Variants in ARSB observed in about 807,000 individuals in gnomAD.
ARSB encodes the protein arylsulfatase B, also known as N-acetylgalactosamine-4-sulfatase.
Under a neutral mutation model 50.9 loss-of-function variants are expected in ARSB, and 41 were observed. That is an observed-to-expected ratio of 0.81 (90% CI 0.63 to 1.04). The LOEUF (loss-of-function observed/expected upper bound fraction) is 1.04, where lower values mean the gene tolerates loss of function less well. Among genes scored for constraint, ARSB ranks in the 50% least tolerant of loss-of-function variants. The pLI, the probability that ARSB is intolerant of heterozygous loss-of-function variation, is 0.00. For synonymous variants in ARSB, 269 were observed against 284.8 expected, an observed-to-expected ratio of 0.94 and a Z score of 0.56; for missense variants, 672 against 693.3, an observed-to-expected ratio of 0.97 and a Z score of 0.35.
intron 2 of ARSB, 72 bp from the exon 3 acceptor site, chr5:78,964,678 A>C: frequency 7.1e-7 from 1 of 1,413,810 alleles, no homozygotes; most frequent in Non-Finnish European, 9.8e-7. Flanking sequence ...TTCAGCATTT[A>C]ATTGCCTAAT....
At position 78,813,576 on chromosome 5, in the gene ARSB, A is replaced by G. The variant is rs559890927; in HGVS notation, c.1213+25780T>C. Among the ~76,000 whole-genome samples, 95 of 152,182 alleles carry G rather than the reference A, an allele frequency of 6.2e-4. 4 individuals are homozygous for G. The South Asian group carries it at 0.019, about 30-fold the overall frequency. ...AATTCAAGACCAGCCTGGGCAGCAA[A>G]GTGAGTCCCCATCTCTACAAAAAAT... On this transcript the variant is annotated intron_variant, in intron 6 of 7. Coordinates refer to ENST00000264914, the MANE Select transcript of ARSB (RefSeq NM_000046.5).
chr5:78,941,335 G>A (rs1750910848), intron 4 of ARSB, among the ~76,000 whole-genome samples: 1 of 151,120 alleles, frequency 6.6e-6, no homozygotes, highest in South Asian at 2.1e-4. Flanking sequence ...AATAGGAGTG[G>A]TGAGAGAGGG....
At position 78,955,588 on chromosome 5, in the gene ARSB, A is replaced by G. The variant is rs569091020; in HGVS notation, c.691-86T>C. The G allele has an allele frequency of 3.7e-6, 4 of 1,091,954 alleles. No individual in the cohort carries two copies. In the South Asian group the frequency reaches 3.9e-5, roughly 11 times the overall value. 67.6% of individuals were successfully genotyped at this position (1,091,954 alleles called of 1,614,324 possible). On this transcript the variant is annotated intron_variant, in intron 3 of 7. Coordinates refer to ENST00000264914, the MANE Select transcript of ARSB (RefSeq NM_000046.5). Reference sequence around the variant, plus strand: ...TAAGACAGTTCAGATTTATGCATTAATAAAAATAATATCAAGACAACCTAC... The same window carrying G: ...TAAGACAGTTCAGATTTATGCATTAGTAAAAATAATATCAAGACAACCTAC...
intron 1 of ARSB, among the ~76,000 whole-genome samples, chr5:78,981,389 T>G (rs1752896570): frequency 6.6e-6 from 1 of 152,216 alleles, no homozygotes; most frequent in African/African-American, 2.4e-5. Flanking sequence ...TTGTGAGGGC[T>G]GTGAACAATT....
chr5:78,968,093 T>C (rs1752279826), intron 2 of ARSB, among the ~76,000 whole-genome samples: 1 of 152,062 alleles, frequency 6.6e-6, no homozygotes, highest in African/African-American at 2.4e-5. Context: ...TATTTCTTAT[T>C]ATCCTTCTTA....
chr5:78,971,209 A>C (rs1389054428), intron 1 of ARSB, among the ~76,000 whole-genome samples: 1 of 152,186 alleles, frequency 6.6e-6, no homozygotes, highest in Non-Finnish European at 1.5e-5. Flanking sequence ...CTGCTGCGGC[A>C]TGACAGGGTA....
chr5:78,816,360 A>T (rs529801298), intron 6 of ARSB, among the ~76,000 whole-genome samples: 2 of 152,270 alleles, frequency 1.3e-5, no homozygotes, highest in South Asian at 4.1e-4. Context: ...TGCCTCCAAA[A>T]GTCCTTCTCT....
At chr5:78,867,176 G>A (rs1026627993) in intron 5 of ARSB, among the ~76,000 whole-genome samples, 1 of 152,194 alleles carries the variant, frequency 6.6e-6, no homozygotes, top group Non-Finnish European at 1.5e-5. Context: ...TACACCCACG[G>A]AATCTCGCTG....
chr5:78,833,395 G>A (rs1437620609), intron 6 of ARSB, among the ~76,000 whole-genome samples: 2 of 152,148 alleles, frequency 1.3e-5, no homozygotes, highest in African/African-American at 2.4e-5. Context: ...TTTCTCAGAA[G>A]GGAACAAAGG....
intron 6 of ARSB, chr5:78,817,238 T>G: frequency 2.3e-6 from 1 of 440,736 alleles, no homozygotes. Flanking sequence ...CTTCACTCTC[T>G]CTGGTTTATG....
At chr5:78,972,516 T>TACGTACACACACACACACACACAC (rs71614002) in intron 1 of ARSB, among the ~76,000 whole-genome samples, 6 of 145,598 alleles carry the variant, frequency 4.1e-5, no homozygotes, top group African/African-American at 1.6e-4. Context: ...CACGCATACG[T>TACGTACACACACACACACACACAC]ACACACACAC....
intron 1 of ARSB, among the ~76,000 whole-genome samples, chr5:78,970,411 A>G (rs990528291): frequency 6.6e-6 from 1 of 152,228 alleles, no homozygotes; most frequent in African/African-American, 2.4e-5. Flanking sequence ...TGGGTTTATT[A>G]CTATTTTTCA....
In ARSB at chr5:78,778,965, T is replaced by C. The variant is rs1748846912; in HGVS notation, c.*1432A>G. 6.6e-6 allele frequency: 1 copy of C among 152,030 alleles called. No homozygotes were observed. Among genetic ancestry groups the C allele is most frequent in the African/African-American group, 2.4e-5 (1 of 41,398 alleles). The allele number at this position is 152,030 out of a possible 1,614,324, so 9.4% of individuals were successfully genotyped here. ...CCCAGGAGTTTGAGGCTACGGTGAG[T>C]TGTGATTGTACCACTGTACTCCAAC... On this transcript the variant is annotated 3_prime_UTR_variant, in exon 8 of 8. Transcript: ENST00000264914.
chr5:78,831,469 C>T (rs1223532973), intron 6 of ARSB, among the ~76,000 whole-genome samples: 2 of 152,096 alleles, frequency 1.3e-5, no homozygotes, highest in Admixed American at 6.5e-5. Flanking sequence ...TGTGACTACT[C>T]GACCCATTTT....
intron 4 of ARSB, among the ~76,000 whole-genome samples, chr5:78,892,375 C>A (rs1029842217): frequency 6.7e-6 from 1 of 149,632 alleles, no homozygotes; most frequent in Non-Finnish European, 1.5e-5. Flanking sequence ...CATGCCTCAA[C>A]TTCCTGAGTA....
chr5:78,979,212 G>C (rs925768053), intron 1 of ARSB, among the ~76,000 whole-genome samples: 1 of 152,032 alleles, frequency 6.6e-6, no homozygotes, highest in Non-Finnish European at 1.5e-5. Context: ...ACATAAAAAT[G>C]ATCAATAAGA....
intron 6 of ARSB, among the ~76,000 whole-genome samples, chr5:78,785,517 T>C (rs1177537673): frequency 1.3e-5 from 2 of 152,248 alleles, no homozygotes; most frequent in African/African-American, 4.8e-5. Context: ...TTAATTCTAA[T>C]AGTGCTTTCC....
At chr5:78,886,450 T>G (rs1406526762) in intron 4 of ARSB, among the ~76,000 whole-genome samples, 3 of 152,062 alleles carry the variant, frequency 2.0e-5, no homozygotes, top group Non-Finnish European at 4.4e-5. Flanking sequence ...TGAAAAAAAT[T>G]TTTCCCCTCT....
rs925207128 is a variant in ARSB, at chr5:78,785,371, A to G, written c.1214-3397T>C. On this transcript the variant is annotated intron_variant, in intron 6 of 7. Coordinates refer to ENST00000264914, the MANE Select transcript of ARSB (RefSeq NM_000046.5). ...AATGCTCTGTATATCATTTAGGTCA[A>G]GTTTGTTAACTATGGTGTTCAAATC... Among the ~76,000 whole-genome samples the G allele has an allele frequency of 2.6e-5, 4 of 152,308 alleles. No individual in the cohort carries two copies. The South Asian group carries it at 8.3e-4, about 32-fold the overall frequency.
Sources: gnomAD v4.1 joint callset for allele counts (sites outside exome capture counted in the v4.1 genomes callset) on GRCh38, gnomAD v4.1.1 for gene constraint, MANE v1.5 for transcripts, NCBI Gene and HGNC (gene_info 2026-07-23, HGNC 2026-07-21) for gene names.